Variants in PTPRJ observed in about 807,000 individuals in gnomAD.
PTPRJ encodes the protein protein tyrosine phosphatase receptor type J.
PTPRJ carries 129 observed loss-of-function variants against 141.3 expected under a neutral mutation model. That is an observed-to-expected ratio of 0.91 (90% confidence interval 0.79 to 1.06). The LOEUF (loss-of-function observed/expected upper bound fraction) is 1.06, where lower values mean the gene tolerates loss of function less well. Among genes scored for constraint, PTPRJ ranks in the 50% least tolerant of loss-of-function variants. PTPRJ has a pLI of 0.00. For synonymous variants in PTPRJ, 610 were observed against 640.5 expected (o/e 0.95, Z 0.72); for missense variants, 1,601 against 1,679.7 (o/e 0.95, Z 0.82).
chr11:48,053,188 TA>T (rs1371382995), intron 1 of PTPRJ, among the ~76,000 whole-genome samples: 1,102 of 99,918 alleles, frequency 0.011, 8 homozygotes, highest in African/African-American at 0.014. Context: ...TAAATATATA[TA>T]AAAATATATA....
chr11:48,049,845 A>C (rs981313993), intron 1 of PTPRJ, among the ~76,000 whole-genome samples: 1 of 152,198 alleles, frequency 6.6e-6, no homozygotes, highest in Admixed American at 6.5e-5. Flanking sequence ...TTTCATCATG[A>C]AAATTAAATT....
chr11:47,994,809 T>A (rs1248442633), intron 1 of PTPRJ, among the ~76,000 whole-genome samples: 1 of 152,240 alleles, frequency 6.6e-6, no homozygotes, highest in Non-Finnish European at 1.5e-5. Context: ...TTGTAATGTT[T>A]TTTGAAAACC....
At chr11:48,123,366 T>G (rs1349232854) in intron 4 of PTPRJ, among the ~76,000 whole-genome samples, 3 of 151,882 alleles carry the variant, frequency 2.0e-5, no homozygotes, top group Non-Finnish European at 4.4e-5. Context: ...AATTTCAGTT[T>G]TAAGGTTTTT....
At chr11:48,101,808 C>T (rs1051749650) in intron 1 of PTPRJ, among the ~76,000 whole-genome samples, 1 of 152,160 alleles carries the variant, frequency 6.6e-6, no homozygotes, top group Non-Finnish European at 1.5e-5. Flanking sequence ...TTTCATTATT[C>T]AGATTTAAGT....
chr11:48,110,456 C>T (rs1486311275), intron 2 of PTPRJ, among the ~76,000 whole-genome samples: 1 of 152,158 alleles, frequency 6.6e-6, no homozygotes, highest in African/African-American at 2.4e-5. Flanking sequence ...GCCTTGGCCT[C>T]CCAAAGCGCT....
intron 4 of PTPRJ, among the ~76,000 whole-genome samples, chr11:48,121,591 T>C (rs764775153): frequency 6.6e-6 from 1 of 152,218 alleles, no homozygotes; most frequent in Non-Finnish European, 1.5e-5. Flanking sequence ...TTACCAGCCT[T>C]TTAAGCTCCC....
intron 1 of PTPRJ, among the ~76,000 whole-genome samples, chr11:47,999,906 G>T (rs1433701665): frequency 2.1e-5 from 3 of 140,548 alleles, no homozygotes; most frequent in African/African-American, 8.9e-5. Flanking sequence ...ACCCAGGCTG[G>T]AGTGCAGTGG....
At position 48,170,268 on chromosome 11, in the gene PTPRJ, T is replaced by G. The variant is rs1258734580; in HGVS notation, c.*2906T>G. The G allele has an allele frequency of 1.3e-5, 2 of 152,132 alleles. No homozygotes were observed. The highest frequency in any genetic ancestry group is 2.9e-5 in the Non-Finnish European group (2 of 68,038). The allele number at this position is 152,132 out of a possible 1,614,324, so 9.4% of individuals were successfully genotyped here. On this transcript the variant is annotated 3_prime_UTR_variant, in exon 25 of 25. Transcript: ENST00000418331. ...CTCCCAGGAACAACGACTTTTTGCC[T>G]CCAAAGTTGGATCTAGTGATGATCA...
At chr11:48,026,538 A>G (rs1215827902) in intron 1 of PTPRJ, among the ~76,000 whole-genome samples, 1 of 150,868 alleles carries the variant, frequency 6.6e-6, no homozygotes, top group Non-Finnish European at 1.5e-5. Flanking sequence ...CTGGAGTGCA[A>G]TGGTGCGATC....
Position 48,157,137 on chromosome 11 carries a change from C to T in PTPRJ, c.3438+1018C>T, listed in dbSNP as rs564941727. ...CCAAGTAGCTGGGATTACAGGCAGG[C>T]GCCACCATGCCCAGCTACTTTTTGT... On this transcript the variant is annotated intron_variant, in intron 21 of 24. Transcript: ENST00000418331. 9.9e-5 allele frequency among the ~76,000 whole-genome samples: 15 copies of T among 152,172 alleles called. 1 individual carries two copies. Among genetic ancestry groups the T allele is most frequent in the Middle Eastern group, 3.4e-3 (1 of 294 alleles).
intron 1 of PTPRJ, among the ~76,000 whole-genome samples, chr11:48,035,528 CTTTCTTCTTCT>C (rs1854098798): frequency 1.5e-5 from 1 of 68,722 alleles, no homozygotes; most frequent in Non-Finnish European, 3.3e-5. Flanking sequence ...TTTCTTTTTT[CTTTCTTCTTCT>C]TTTTTTTTTT....
At chr11:48,163,733 A>G in intron 23 of PTPRJ, 115 bp downstream of exon 23, 1 of 1,268,956 alleles carries the variant, frequency 7.9e-7, no homozygotes, top group East Asian at 2.5e-5. Context: ...AATTCAGGAA[A>G]GGTTTGGATA....
chr11:48,082,791 A>G (rs1206552178), intron 1 of PTPRJ, among the ~76,000 whole-genome samples: 6 of 152,158 alleles, frequency 3.9e-5, no homozygotes, highest in Admixed American at 6.5e-5. Flanking sequence ...ACCATGTATT[A>G]CATAATAGGG....
chr11:48,004,234 G>C (rs1289560803), intron 1 of PTPRJ, among the ~76,000 whole-genome samples: 1 of 152,236 alleles, frequency 6.6e-6, no homozygotes, highest in African/African-American at 2.4e-5. Flanking sequence ...CTTGGGAAGA[G>C]AATGTTGAGT....
chr11:48,098,336 G>C (rs952649953), intron 1 of PTPRJ, among the ~76,000 whole-genome samples: 2 of 152,200 alleles, frequency 1.3e-5, no homozygotes, highest in Admixed American at 1.3e-4. Context: ...ACTGTAACTA[G>C]CGGGATAAGG....
intron 1 of PTPRJ, among the ~76,000 whole-genome samples, chr11:47,987,756 C>G (rs939720597): frequency 1.3e-5 from 2 of 152,148 alleles, no homozygotes; most frequent in Non-Finnish European, 2.9e-5. Flanking sequence ...GGTGCCCCCT[C>G]GGAGGACAGG....
At position 48,136,193 on chromosome 11, in the gene PTPRJ, G is replaced by A. The variant is rs770609342; in HGVS notation, c.1770G>A (p.Ala590=). 1.7e-5 allele frequency: 28 copies of A among 1,614,034 alleles called. 1 individual carries two copies. The South Asian group carries it at 3.0e-4, about 17-fold the overall frequency. Residue 590 remains alanine (A), a synonymous_variant, in exon 9 of 25, where the codon GCG becomes GCA. Coordinates refer to ENST00000418331, the MANE Select transcript of PTPRJ (RefSeq NM_002843.4). ...GSNHTSTYDK[A]ITLQGLIPGT... is the part of the protein sequence containing the mutation. ...ACCACACAAGCACGTATGACAAAGC[G>A]ATTACTCTCCAGGGCCTGATTCCGG...
At chr11:48,155,227 TAAC>T (rs1857573445) in intron 19 of PTPRJ, among the ~76,000 whole-genome samples, 1 of 152,216 alleles carries the variant, frequency 6.6e-6, no homozygotes, top group Admixed American at 6.5e-5. Context: ...TCTGTTTTTA[TAAC>T]AACTTGTTTA....
chr11:48,071,200 A>G (rs965805268), intron 1 of PTPRJ, among the ~76,000 whole-genome samples: 2 of 152,226 alleles, frequency 1.3e-5, no homozygotes, highest in Admixed American at 6.5e-5. Context: ...AACAGATATA[A>G]TAAGCTCATA....
Sources: gnomAD v4.1 joint callset for allele counts (sites outside exome capture counted in the v4.1 genomes callset) on GRCh38, gnomAD v4.1.1 for gene constraint, MANE v1.5 for transcripts, NCBI Gene and HGNC (gene_info 2026-07-23, HGNC 2026-07-21) for gene names.